Variants in EPB41L3 observed in about 807,000 individuals in gnomAD.
EPB41L3 encodes the protein band 4.1-like protein 3.
In EPB41L3, 57 loss-of-function variants were observed where a neutral mutation model predicts 127.1. The observed-to-expected ratio is 0.45, with a 90% CI of 0.36 to 0.56. EPB41L3 has a LOEUF of 0.56. EPB41L3 is among the 20% of genes least tolerant of loss of function. The pLI, the probability that EPB41L3 is intolerant of heterozygous loss-of-function variation, is 0.00. For missense variants in EPB41L3, 1,273 were observed against 1,372.2 expected, an observed-to-expected ratio of 0.93 and a Z score of 1.14; for synonymous variants, 572 against 549.5, an observed-to-expected ratio of 1.04 and a Z score of -0.57.
At chr18:5,544,255 T>C (rs894588943), upstream of EPB41L3, 48 of 985,616 alleles carry the variant, frequency 4.9e-5, no homozygotes, top group Non-Finnish European at 5.5e-5. Flanking sequence ...TGGAGACAGC[T>C]GCCAATGCCA....
chr18:5,430,479 C>T (rs976988288), intron 8 of EPB41L3, among the ~76,000 whole-genome samples: 11 of 151,162 alleles, frequency 7.3e-5, no homozygotes, highest in African/African-American at 2.7e-4. Flanking sequence ...TTTCATTAAT[C>T]GCACGGCAAA....
intron 3 of EPB41L3, among the ~76,000 whole-genome samples, chr18:5,455,948 A>C (rs2082990075): frequency 6.6e-6 from 1 of 152,056 alleles, no homozygotes; most frequent in African/African-American, 2.4e-5. Context: ...GAATCACGTA[A>C]AATAATCATA....
intron 3 of EPB41L3, among the ~76,000 whole-genome samples, chr18:5,562,703 A>G (rs1356332576): frequency 1.3e-5 from 2 of 152,224 alleles, no homozygotes; most frequent in Non-Finnish European, 2.9e-5. Context: ...GACAGTGAAC[A>G]TGAACAGCCT....
chr18:5,623,685 C>A (rs946157409), intron 1 of EPB41L3, among the ~76,000 whole-genome samples: 3 of 151,094 alleles, frequency 2.0e-5, no homozygotes, highest in African/African-American at 7.3e-5. Flanking sequence ...TCTTACTCTG[C>A]CACCCAGGCT....
In EPB41L3 at chr18:5,462,472, A is replaced by G. The variant is rs960978007; in HGVS notation, c.381+15769T>C. Among the ~76,000 whole-genome samples, 10 of 152,316 alleles carry G rather than the reference A, an allele frequency of 6.6e-5. 1 individual carries two copies. Among genetic ancestry groups the G allele is most frequent in the Admixed American group, 4.6e-4 (7 of 15,306 alleles). On this transcript the variant is annotated intron_variant, in intron 3 of 22. Coordinates refer to ENST00000341928, the MANE Select transcript of EPB41L3 (RefSeq NM_012307.5). ...GTCCTTGCATGGCACTTAGAAAATTATATCAGGATGCTTTTCTACGCACTC... is the reference window on the plus strand; with the variant it reads ...GTCCTTGCATGGCACTTAGAAAATTGTATCAGGATGCTTTTCTACGCACTC...
At chr18:5,623,880 C>T (rs995051820) in intron 1 of EPB41L3, among the ~76,000 whole-genome samples, 4 of 152,112 alleles carry the variant, frequency 2.6e-5, no homozygotes. Context: ...TTGCCTCTAA[C>T]TCCTGGCCTC....
intron 3 of EPB41L3, among the ~76,000 whole-genome samples, chr18:5,463,471 C>T (rs930938264): frequency 2.0e-5 from 3 of 152,140 alleles, no homozygotes; most frequent in Non-Finnish European, 4.4e-5. Context: ...CGGGTTTGAC[C>T]TAATCATGTG....
chr18:5,397,564 A>C lies in EPB41L3; in HGVS notation c.2473-138T>G. 2 of 1,058,130 alleles carry C rather than the reference A, an allele frequency of 1.9e-6. No individual in the cohort carries two copies. The highest frequency in any genetic ancestry group is 2.7e-6 in the Non-Finnish European group (2 of 749,234). 65.5% of individuals were successfully genotyped at this position (1,058,130 alleles called of 1,614,324 possible). The stretch of plus-strand genomic sequence containing the variant: ...CCAGAAACACTGACGAAAAATATAA[A>C]TTAGCTTTCATTTCTCCCACTGAAA... On this transcript the variant is annotated intron_variant, in intron 17 of 22. Coordinates refer to ENST00000341928, the MANE Select transcript of EPB41L3 (RefSeq NM_012307.5). This position sits in a 1 kb window ranked among gnomAD's most constrained non-coding sequence, Gnocchi z 4.1.
At chr18:5,566,512 A>C (rs928685663) in intron 3 of EPB41L3, among the ~76,000 whole-genome samples, 1 of 152,174 alleles carries the variant, frequency 6.6e-6, no homozygotes, top group African/African-American at 2.4e-5. Context: ...GGAAGAATTA[A>C]TACCGTGAAA....
At chr18:5,448,427 C>T (rs2081837765) in intron 3 of EPB41L3, among the ~76,000 whole-genome samples, 1 of 152,100 alleles carries the variant, frequency 6.6e-6, no homozygotes, top group Non-Finnish European at 1.5e-5. Context: ...TTATTGATAT[C>T]TGCATGTGCC....
intron 3 of EPB41L3, among the ~76,000 whole-genome samples, chr18:5,573,918 T>G (rs1482585705): frequency 6.6e-6 from 1 of 151,574 alleles, no homozygotes; most frequent in Non-Finnish European, 1.5e-5. Context: ...TATACCTTTT[T>G]TTTTTTTTTT....
intron 2 of EPB41L3, among the ~76,000 whole-genome samples, chr18:5,613,906 A>G (rs558842839): frequency 2.7e-4 from 41 of 152,378 alleles, no homozygotes; most frequent in African/African-American, 9.6e-4. Context: ...AATAAATATC[A>G]AAAACGTTCT....
In EPB41L3 at chr18:5,580,241, G is replaced by A. The variant is rs1021634968; in HGVS notation, c.-306+32099C>T. Among the ~76,000 whole-genome samples, 6 of 152,014 alleles carry A rather than the reference G, an allele frequency of 3.9e-5. No homozygotes were observed. The East Asian group carries it at 1.2e-3, about 29-fold the overall frequency. ...GGTAGATACACTCATACACACATAT[G>A]TATAGACATGTGTATAGATACACTT... On this transcript the variant is annotated intron_variant, in intron 3 of 21. Transcript: ENST00000545076.
intron 3 of EPB41L3, among the ~76,000 whole-genome samples, chr18:5,564,529 G>A (rs771167630): frequency 2.0e-5 from 3 of 152,122 alleles, no homozygotes; most frequent in Admixed American, 6.5e-5. Flanking sequence ...TTATGGAGCC[G>A]ATGGTGGGTC....
chr18:5,527,728 A>G (rs567213336), intron 1 of EPB41L3, among the ~76,000 whole-genome samples: 2 of 152,372 alleles, frequency 1.3e-5, no homozygotes, highest in Admixed American at 1.3e-4. Flanking sequence ...GAAGAAAGGC[A>G]TGGGAGCCAG....
chr18:5,510,005 G>A (rs2092432153), intron 1 of EPB41L3, among the ~76,000 whole-genome samples: 1 of 152,174 alleles, frequency 6.6e-6, no homozygotes, highest in African/African-American at 2.4e-5. Context: ...AATTTAATAT[G>A]GAGATCAGGG....
intron 1 of EPB41L3, among the ~76,000 whole-genome samples, chr18:5,541,315 A>T (rs2093724784): frequency 6.6e-6 from 1 of 151,430 alleles, no homozygotes; most frequent in Non-Finnish European, 1.5e-5. Flanking sequence ...ATTCTCACAG[A>T]AAGGAAACAT....
chr18:5,399,096 A>C, intron 16 of EPB41L3: 2 of 399,052 alleles, frequency 5.0e-6, no homozygotes, highest in Non-Finnish European at 4.4e-6. Flanking sequence ...GGGCTGCTCC[A>C]CTTTCTCACC....
At chr18:5,484,093 A>C (rs1599594758) in intron 2 of EPB41L3, among the ~76,000 whole-genome samples, 1 of 107,728 alleles carries the variant, frequency 9.3e-6, no homozygotes, top group African/African-American at 5.5e-5. Context: ...ACTCAAAAAA[A>C]AAAAAAAAAA....
Sources: gnomAD v4.1 joint callset for allele counts (sites outside exome capture counted in the v4.1 genomes callset) on GRCh38, gnomAD v4.1.1 for gene constraint, Gnocchi (gnomAD v3.1) non-coding constraint, MANE v1.5 for transcripts, NCBI Gene and HGNC (gene_info 2026-07-23, HGNC 2026-07-21) for gene names.